The following ANK1 variants were observed in gnomAD, a reference collection of about 807,000 sequenced individuals.
ANK1 encodes ankyrin-1.
ANK1 carries 51 observed loss-of-function variants against 210.4 expected under a neutral mutation model. That is an observed-to-expected ratio of 0.24 (90% CI 0.19 to 0.31). The LOEUF is 0.31. Ranked by LOEUF, ANK1 falls within the 10% of genes least tolerant of loss-of-function variation. The pLI is 1.00. For missense variants in ANK1, 2,051 were observed against 2,504.4 expected, an observed-to-expected ratio of 0.82 and a Z score of 3.86; for synonymous variants, 967 against 1,025.9, an observed-to-expected ratio of 0.94 and a Z score of 1.10.
intron 2 of ANK1, among the ~76,000 whole-genome samples, chr8:41,739,402 T>C (rs1253931353): frequency 1.3e-5 from 2 of 152,330 alleles, no homozygotes; most frequent in East Asian, 1.9e-4. Flanking sequence ...CTTTAACATA[T>C]TAATCATAGT....
intron 2 of ANK1, among the ~76,000 whole-genome samples, chr8:41,756,811 T>C (rs2150711062): frequency 6.6e-6 from 1 of 152,316 alleles, no homozygotes; most frequent in South Asian, 2.1e-4. Context: ...GACAGAGGCA[T>C]GTCGCCCATG....
intron 1 of ANK1, among the ~76,000 whole-genome samples, chr8:41,827,647 C>G (rs1210798506): frequency 2.0e-5 from 3 of 152,014 alleles, no homozygotes; most frequent in Non-Finnish European, 2.9e-5. Flanking sequence ...CACACACACT[C>G]GAATACCTAC....
chr8:41,835,216 G>A (rs1213264632), intron 1 of ANK1, among the ~76,000 whole-genome samples: 2 of 152,230 alleles, frequency 1.3e-5, no homozygotes, highest in African/African-American at 4.8e-5. Flanking sequence ...ACTTTGGGAC[G>A]CTGAGGCAGG....
chr8:41,776,106 G>A (rs1843970567), intron 1 of ANK1, among the ~76,000 whole-genome samples: 1 of 152,160 alleles, frequency 6.6e-6, no homozygotes, highest in Non-Finnish European at 1.5e-5. Flanking sequence ...ATGAAACACA[G>A]TAAAGGGGCT....
chr8:41,820,306 TCCACCA>T (rs1408387385), intron 1 of ANK1, among the ~76,000 whole-genome samples: 1 of 138,144 alleles, frequency 7.2e-6, no homozygotes, highest in Admixed American at 7.1e-5. Flanking sequence ...ATTGCAGGTG[TCCACCA>T]CCACACCAAG....
intron 29 of ANK1, 91 bp from the exon 30 acceptor site, chr8:41,693,292 A>T: frequency 2.5e-6 from 3 of 1,178,010 alleles, no homozygotes; most frequent in Non-Finnish European, 3.8e-6. Context: ...GTGCAAGGTG[A>T]GACTGGGTGA....
chr8:41,685,100 T>C (rs568360787), intron 36 of ANK1, among the ~76,000 whole-genome samples: 24 of 152,320 alleles, frequency 1.6e-4, no homozygotes, highest in African/African-American at 3.4e-4. Context: ...TGCTAATTTT[T>C]GTACTTTTAG....
At chr8:41,894,282 T>A (rs774583049) in intron 1 of ANK1, among the ~76,000 whole-genome samples, 1 of 151,982 alleles carries the variant, frequency 6.6e-6, no homozygotes, top group South Asian at 2.1e-4. Context: ...AAAATCTGAA[T>A]GGAAGATTTT....
chr8:41,736,363 CCTT>C (rs927683102), intron 2 of ANK1, among the ~76,000 whole-genome samples: 1 of 152,246 alleles, frequency 6.6e-6, no homozygotes, highest in African/African-American at 2.4e-5. Context: ...AGTCCCTGCT[CCTT>C]CTCAGAGCAG....
rs140231188 is a variant in ANK1, at chr8:41,672,405, C to T, written c.5045G>A (p.Arg1682Gln). Residue 1682 changes from arginine to glutamine, a missense_variant, in exon 38 of 43, where the codon CGA becomes CAA. Transcript: ENST00000289734. ...LVSGHQRGQA[R>Q]ITHSPTVSQV... ...ACTCACGGTGGGGGAATGTGTGATT[C>T]GGGCTTGCCCCCTCTGATGGCCTGA... 235 of 1,614,184 alleles carry T rather than the reference C, an allele frequency of 1.5e-4. No individual in the cohort carries two copies. The highest frequency in any genetic ancestry group is 1.7e-4 in the Non-Finnish European group (202 of 1,180,030).
chr8:41,695,168 C>A lies in ANK1; in HGVS notation c.3115+9G>T, dbSNP rs150850103. 1.2e-6 allele frequency: 2 copies of A among 1,614,062 alleles called. No individual in the cohort carries two copies. Among genetic ancestry groups the A allele is most frequent in the Admixed American group, 1.7e-5 (1 of 60,030 alleles). ...GAGGGGACCCAGCCCTGGGATCCCC[C>A]GCCCCTACCTTCGTCCATCCCGTTG... On this transcript the variant is annotated intron_variant, in intron 27 of 42. Coordinates refer to ENST00000289734, the MANE Select transcript of ANK1 (RefSeq NM_000037.4).
At position 41,708,951 on chromosome 8, in the gene ANK1, C is replaced by T. The variant is rs564238506; in HGVS notation, c.1825G>A (p.Ala609Thr). ...ACCTCCACCTGGTTCTGCTTGGCAG[C>T]GATGTGCAAAGGGGTGTAGCCATTC... ...AWNGYTPLHI[A>T]AKQNQVEVAR... is the part of the protein sequence containing the mutation. The change falls in exon 17 of 43, where the codon GCT (alanine) becomes ACT (threonine). Residue 609 changes from alanine to threonine, a missense_variant. By Grantham distance (58) the Ala-to-Thr change is moderately conservative. Around this residue, in one of 6 missense-constraint regions of ANK1, gnomAD observed 1,413 missense variants for 1,707.4 expected, o/e 0.83. Coordinates refer to ENST00000289734, the MANE Select transcript of ANK1 (RefSeq NM_000037.4). 13 of 1,614,032 alleles carry T rather than the reference C, an allele frequency of 8.1e-6. No homozygotes were observed. Among genetic ancestry groups the T allele is most frequent in the Admixed American group, 5.0e-5 (3 of 60,018 alleles).
intron 37 of ANK1, 30 bp from the exon 38 acceptor site, chr8:41,672,942 C>T: frequency 6.4e-7 from 1 of 1,574,604 alleles, no homozygotes. Context: ...GCAACATGCT[C>T]CAGCAGTGAT....
At chr8:41,773,800 C>T (rs890889657) in intron 1 of ANK1, among the ~76,000 whole-genome samples, 1 of 152,096 alleles carries the variant, frequency 6.6e-6, no homozygotes, top group Non-Finnish European at 1.5e-5. Flanking sequence ...TCTAAGTTCC[C>T]CACGGCCACG....
At chr8:41,758,203 G>T in intron 1 of ANK1, 66 bp from the exon 2 acceptor site, 1 of 1,420,774 alleles carries the variant, frequency 7.0e-7, no homozygotes, top group Non-Finnish European at 9.9e-7. Flanking sequence ...CCCCGTTCAA[G>T]TCCCAGGCCC....
In ANK1 at chr8:41,696,675, C is replaced by T; in HGVS notation, c.2735+1G>A. 1 of 1,604,684 alleles carries T rather than the reference C, an allele frequency of 6.2e-7. No homozygotes were observed. The highest frequency in any genetic ancestry group is 8.5e-7 in the Non-Finnish European group (1 of 1,179,922). The stretch of plus-strand genomic sequence containing the variant: ...CCCCGAGCCCTGCGCCCGCCACTCA[C>T]CCTGTATGCACCGGGCTGGCCACCG... On this transcript the variant is annotated splice_donor_variant, in intron 25 of 42. Transcript: ENST00000289734. LOFTEE classifies it high-confidence loss of function.
intron 1 of ANK1, among the ~76,000 whole-genome samples, chr8:41,853,824 G>C (rs571980355): frequency 6.6e-6 from 1 of 151,934 alleles, no homozygotes; most frequent in South Asian, 2.1e-4. Flanking sequence ...TCAGTGGTGC[G>C]ATCATAGCTC....
chr8:41,838,767 A>AAAAAAAAATAATAATAAT (rs374459221), intron 1 of ANK1, among the ~76,000 whole-genome samples: 2 of 140,512 alleles, frequency 1.4e-5, no homozygotes, highest in African/African-American at 5.5e-5. Flanking sequence ...TCCGTCTCAA[A>AAAAAAAAATAATAATAAT]AATAATAATA....
At chr8:41,845,439 C>G (rs904627683) in intron 1 of ANK1, among the ~76,000 whole-genome samples, 1 of 151,722 alleles carries the variant, frequency 6.6e-6, no homozygotes, top group Non-Finnish European at 1.5e-5. Context: ...AATCGACTGG[C>G]GATTTCTGCT....
Sources: gnomAD v4.1 joint callset for allele counts (sites outside exome capture counted in the v4.1 genomes callset) on GRCh38, gnomAD v4.1.1 for gene constraint, gnomAD v4.1.1 regional missense constraint, MANE v1.5 for transcripts, NCBI Gene and HGNC (gene_info 2026-07-23, HGNC 2026-07-21) for gene names.